ATXN1: variants seen among roughly 807,000 people sequenced by gnomAD.
The protein encoded by ATXN1 is ataxin-1.
A neutral mutation model predicts 56.4 loss-of-function variants in ATXN1; 8 were observed. The observed-to-expected ratio is 0.14, with a 90% confidence interval of 0.08 to 0.26. The LOEUF (loss-of-function observed/expected upper bound fraction) is 0.26. Ranked by LOEUF, ATXN1 falls within the 10% of genes least tolerant of loss-of-function variation. ATXN1 has a pLI of 1.00. For synonymous variants in ATXN1, 514 were observed against 494.6 expected, an observed-to-expected ratio of 1.04 and a Z score of -0.52; for missense variants, 987 against 1,106.5, an observed-to-expected ratio of 0.89 and a Z score of 1.53.
intron 3 of ATXN1, among the ~76,000 whole-genome samples, chr6:16,630,939 G>A (rs1763492832): frequency 6.6e-6 from 1 of 152,178 alleles, no homozygotes; most frequent in Non-Finnish European, 1.5e-5. Flanking sequence ...TTCTGCTATA[G>A]TGAAAATTTC....
At chr6:16,597,275 A>C (rs570800455) in intron 3 of ATXN1, among the ~76,000 whole-genome samples, 2 of 152,312 alleles carry the variant, frequency 1.3e-5, no homozygotes, top group South Asian at 2.1e-4. Flanking sequence ...ACATAGGTAC[A>C]TGCTCACCCT....
chr6:16,671,837 CAT>C (rs1758547438), intron 2 of ATXN1, among the ~76,000 whole-genome samples: 1 of 152,204 alleles, frequency 6.6e-6, no homozygotes, highest in Non-Finnish European at 1.5e-5. Flanking sequence ...CATTCCCTGA[CAT>C]GTAACTGAAA....
chr6:16,543,168 G>T (rs1346325831), intron 4 of ATXN1, among the ~76,000 whole-genome samples: 2 of 152,142 alleles, frequency 1.3e-5, no homozygotes, highest in African/African-American at 4.8e-5. Context: ...AAAGCCCAGG[G>T]AGCTGAGCTC....
chr6:16,709,195 A>G lies in ATXN1; in HGVS notation c.-615+44038T>C, dbSNP rs542841543. The stretch of plus-strand genomic sequence containing the variant: ...ACATCTAGCAAAACTAATCACAAAA[A>G]TAAGTAAATGAAAACATCATTAAAA... On this transcript the variant is annotated intron_variant, in intron 2 of 7. Transcript: ENST00000436367. Among the ~76,000 whole-genome samples, 9 of 152,282 alleles carry G rather than the reference A, an allele frequency of 5.9e-5. No individual in the cohort carries two copies. In the East Asian group the frequency reaches 1.3e-3, roughly 23 times the overall value.
chr6:16,389,250 T>A (rs1758302028), intron 6 of ATXN1, among the ~76,000 whole-genome samples: 2 of 149,686 alleles, frequency 1.3e-5, no homozygotes, highest in African/African-American at 5.0e-5. Flanking sequence ...GGCAGGAGAA[T>A]CGCTTGAACC....
intron 5 of ATXN1, among the ~76,000 whole-genome samples, chr6:16,519,505 A>G (rs751319659): frequency 6.6e-6 from 1 of 152,202 alleles, no homozygotes; most frequent in African/African-American, 2.4e-5. Context: ...GTGCAGTCCT[A>G]CTGGGCCTGG....
At chr6:16,580,953 G>C (rs1443352113) in intron 4 of ATXN1, among the ~76,000 whole-genome samples, 1 of 152,140 alleles carries the variant, frequency 6.6e-6, no homozygotes, top group Non-Finnish European at 1.5e-5. Flanking sequence ...GGGGAAGTCT[G>C]TGTTTTAAAT....
chr6:16,658,985 T>A (rs1384975803), intron 2 of ATXN1, among the ~76,000 whole-genome samples: 1 of 152,198 alleles, frequency 6.6e-6, no homozygotes, highest in Non-Finnish European at 1.5e-5. Context: ...AATAACTAAT[T>A]CCTTGAAAGC....
intron 4 of ATXN1, among the ~76,000 whole-genome samples, chr6:16,544,174 G>A (rs1561748163): frequency 6.6e-6 from 1 of 152,180 alleles, no homozygotes; most frequent in African/African-American, 2.4e-5. Context: ...CACGCTCCTC[G>A]TCTTTCTCTT....
intron 6 of ATXN1, among the ~76,000 whole-genome samples, chr6:16,338,773 T>C (rs1761180881): frequency 6.6e-6 from 1 of 152,172 alleles, no homozygotes; most frequent in Admixed American, 6.6e-5. Flanking sequence ...AAACTATCAA[T>C]TCTTTCAAAC....
intron 2 of ATXN1, among the ~76,000 whole-genome samples, chr6:16,691,380 T>C (rs2113418504): frequency 6.6e-6 from 1 of 152,342 alleles, no homozygotes; most frequent in East Asian, 1.9e-4. Flanking sequence ...ATGCATAGTT[T>C]GAAAATGCAT....
chr6:16,681,162 G>T (rs3793104), intron 2 of ATXN1, among the ~76,000 whole-genome samples: 23 of 152,140 alleles, frequency 1.5e-4, no homozygotes, highest in Middle Eastern at 3.4e-3. Context: ...TCTATTTAAT[G>T]GCTGTTGTAA....
chr6:16,442,206 T>G (rs1472012681), intron 6 of ATXN1, among the ~76,000 whole-genome samples: 1 of 152,062 alleles, frequency 6.6e-6, no homozygotes, highest in Non-Finnish European at 1.5e-5. Context: ...AAGCCAAGGA[T>G]CTTATACCCA....
intron 4 of ATXN1, among the ~76,000 whole-genome samples, chr6:16,581,225 G>A (rs1318930221): frequency 9.4e-6 from 1 of 106,916 alleles, no homozygotes; most frequent in South Asian, 2.8e-4. Context: ...GTGTGTGTGT[G>A]CGCGCGTGTG....
At chr6:16,494,177 T>C (rs1760727951) in intron 5 of ATXN1, among the ~76,000 whole-genome samples, 1 of 150,430 alleles carries the variant, frequency 6.6e-6, no homozygotes, top group African/African-American at 2.5e-5. Context: ...AGAGTCCAGT[T>C]AGACCTCAAG....
chr6:16,511,988 C>A (rs1265266367), intron 5 of ATXN1, among the ~76,000 whole-genome samples: 3 of 152,190 alleles, frequency 2.0e-5, no homozygotes. Flanking sequence ...GCCTCTCCAG[C>A]CCCCATCTTT....
intron 6 of ATXN1, among the ~76,000 whole-genome samples, chr6:16,434,305 T>C (rs976917674): frequency 1.3e-5 from 2 of 152,236 alleles, no homozygotes; most frequent in East Asian, 1.9e-4. Context: ...CCTTCTTCAC[T>C]GTAATTTCAA....
intron 7 of ATXN1, among the ~76,000 whole-genome samples, chr6:16,319,234 C>T (rs1046279760): frequency 2.6e-5 from 4 of 151,630 alleles, no homozygotes; most frequent in Non-Finnish European, 1.5e-5. Context: ...AAAAAATGTG[C>T]CTTAAAGAAC....
intron 3 of ATXN1, among the ~76,000 whole-genome samples, chr6:16,657,543 C>G (rs146900457): frequency 6.6e-6 from 1 of 152,178 alleles, no homozygotes; most frequent in East Asian, 1.9e-4. Flanking sequence ...TTTCTAACCA[C>G]AAATACATTC....
Sources: allele counts gnomAD v4.1 joint callset (sites outside exome capture counted in the v4.1 genomes callset), GRCh38; gene constraint gnomAD v4.1.1; transcripts MANE v1.5; gene names NCBI Gene and HGNC (gene_info 2026-07-23, HGNC 2026-07-21).